Variants in COL24A1 observed in about 807,000 individuals in gnomAD.
COL24A1 encodes the protein collagen alpha-1(XXIV) chain.
In COL24A1, 224 loss-of-function variants were observed where a neutral mutation model predicts 253.9. The observed-to-expected ratio is 0.88, with a 90% CI of 0.79 to 0.99. COL24A1 has a LOEUF of 0.99. Ranked by LOEUF, COL24A1 falls within the 50% of genes least tolerant of loss-of-function variation. The pLI is 0.00. For missense variants in COL24A1, 2,131 were observed against 2,068.5 expected, an observed-to-expected ratio of 1.03 and a Z score of -0.59; for synonymous variants, 685 against 673.7, an observed-to-expected ratio of 1.02 and a Z score of -0.26.
At chr1:85,798,506 C>A (rs1429260596) in intron 47 of COL24A1, among the ~76,000 whole-genome samples, 1 of 152,034 alleles carries the variant, frequency 6.6e-6, no homozygotes, top group Non-Finnish European at 1.5e-5. Flanking sequence ...GTCTCTTTCT[C>A]CAAAATACTG....
chr1:85,995,530 G>A (rs571888784), intron 19 of COL24A1, among the ~76,000 whole-genome samples: 3 of 152,236 alleles, frequency 2.0e-5, no homozygotes, highest in Admixed American at 2.0e-4. Context: ...TGATATTTAG[G>A]TTTGGATAAT....
intron 1 of COL24A1, among the ~76,000 whole-genome samples, chr1:86,152,754 A>G (rs1652941495): frequency 6.6e-6 from 1 of 152,232 alleles, no homozygotes; most frequent in Non-Finnish European, 1.5e-5. Flanking sequence ...ATGTTAAACT[A>G]TTGCCTAGCT....
chr1:85,923,610 CT>C (rs1686805832), intron 24 of COL24A1, among the ~76,000 whole-genome samples: 1 of 152,164 alleles, frequency 6.6e-6, no homozygotes, highest in Admixed American at 6.5e-5. Context: ...TAAAGATGTT[CT>C]TTGAAACCAA....
At chr1:85,889,033 G>A (rs776756185) in intron 32 of COL24A1, among the ~76,000 whole-genome samples, 3 of 152,042 alleles carry the variant, frequency 2.0e-5, no homozygotes, top group East Asian at 1.9e-4. Flanking sequence ...ACAACGTACC[G>A]TCCATGGAAA....
chr1:85,959,862 G>A (rs567477919), intron 24 of COL24A1, among the ~76,000 whole-genome samples: 69 of 152,002 alleles, frequency 4.5e-4, no homozygotes, highest in Non-Finnish European at 9.0e-4. Context: ...TTTTAACTTC[G>A]GATGCCAACT....
Position 86,012,692 on chromosome 1 carries a change from G to A in COL24A1, c.2310+4459C>T, listed in dbSNP as rs370678055. Reference sequence around the variant, plus strand: ...CAGCAGCCAGAGTAACCTTTGAAAAGCATAAATCAGATCAGATCATGCCTC... The same window carrying A: ...CAGCAGCCAGAGTAACCTTTGAAAAACATAAATCAGATCAGATCATGCCTC... On this transcript the variant is annotated intron_variant, in intron 19 of 59. Coordinates refer to ENST00000370571, the MANE Select transcript of COL24A1 (RefSeq NM_152890.7). 2.4e-3 allele frequency among the ~76,000 whole-genome samples: 370 copies of A among 152,198 alleles called. 2 individuals carry two copies. The highest frequency in any genetic ancestry group is 8.6e-3 in the African/African-American group (358 of 41,536).
chr1:85,958,370 T>A (rs1690692956), intron 24 of COL24A1, among the ~76,000 whole-genome samples: 1 of 151,988 alleles, frequency 6.6e-6, no homozygotes, highest in South Asian at 2.1e-4. Flanking sequence ...TCCCTTGTAC[T>A]ATTTTTTATA....
intron 2 of COL24A1, among the ~76,000 whole-genome samples, chr1:86,130,214 T>A (rs1174088784): frequency 6.6e-6 from 1 of 151,928 alleles, no homozygotes; most frequent in Admixed American, 6.6e-5. Context: ...ATTTGTCTGA[T>A]ATACCTTTGC....
chr1:85,807,347 G>A (rs992720355), intron 47 of COL24A1, among the ~76,000 whole-genome samples: 1 of 152,196 alleles, frequency 6.6e-6, no homozygotes, highest in African/African-American at 2.4e-5. Context: ...TTACCACAGA[G>A]TTAAGAAACA....
At chr1:85,896,229 C>T in intron 29 of COL24A1, 127 bp downstream of exon 29, 1 of 1,186,996 alleles carries the variant, frequency 8.4e-7, no homozygotes, top group Non-Finnish European at 1.2e-6. Context: ...TTATGCGTTT[C>T]ATACTTAGAC....
chr1:86,003,053 GTAT>G (rs956666202), intron 19 of COL24A1, among the ~76,000 whole-genome samples: 28 of 152,278 alleles, frequency 1.8e-4, no homozygotes, highest in African/African-American at 6.7e-4. Flanking sequence ...AGTATTGGAG[GTAT>G]TATGGTGGGA....
intron 53 of COL24A1, among the ~76,000 whole-genome samples, chr1:85,767,518 T>C (rs972853958): frequency 6.6e-6 from 1 of 152,214 alleles, no homozygotes; most frequent in Non-Finnish European, 1.5e-5. Context: ...AGATTAACTT[T>C]ATAAAGCTCC....
At chr1:86,132,244 C>A (rs536197085) in intron 2 of COL24A1, among the ~76,000 whole-genome samples, 3 of 152,054 alleles carry the variant, frequency 2.0e-5, no homozygotes, top group African/African-American at 4.8e-5. Context: ...TGTTTGAGTT[C>A]ATTGTAGATT....
chr1:85,800,752 C>T (rs187060222), intron 47 of COL24A1, among the ~76,000 whole-genome samples: 75 of 152,296 alleles, frequency 4.9e-4, no homozygotes, highest in Non-Finnish European at 9.6e-4. Context: ...GTCCCCGCCT[C>T]TGTGTATCAC....
chr1:85,755,734 G>A (rs1203905791), intron 55 of COL24A1, among the ~76,000 whole-genome samples: 1 of 152,022 alleles, frequency 6.6e-6, no homozygotes, highest in African/African-American at 2.4e-5. Context: ...TACATCATGA[G>A]TTATACCATG....
chr1:85,875,188 TTAGCAAATATAGGGGATTCAATGG>T, intron 34 of COL24A1, 65 bp downstream of exon 34: 17 of 1,149,560 alleles, frequency 1.5e-5, no homozygotes, highest in Non-Finnish European at 2.1e-5. Context: ...TGCTTTCAAG[TTAGCAAATATAGGGGATTCAATGG>T]TAGCAAATGT....
chr1:86,134,958 C>T (rs1649974671), intron 2 of COL24A1, among the ~76,000 whole-genome samples: 2 of 151,466 alleles, frequency 1.3e-5, no homozygotes, highest in Admixed American at 1.3e-4. Flanking sequence ...GTGTTAAAGT[C>T]TCCCATTATT....
chr1:86,035,813 G>T lies in COL24A1; in HGVS notation c.1951-1890C>A, dbSNP rs78528007. On this transcript the variant is annotated intron_variant, in intron 12 of 59. Transcript: ENST00000370571. ...AACCTTTGGGAATTCACTCAGGATTGCCTAGAGAATGTGCTGTTCTCCCAA... is the reference window on the plus strand; with the variant it reads ...AACCTTTGGGAATTCACTCAGGATTTCCTAGAGAATGTGCTGTTCTCCCAA... 2.0e-5 allele frequency among the ~76,000 whole-genome samples: 3 copies of T among 152,210 alleles called. No homozygotes were observed. In the East Asian group the frequency reaches 5.8e-4, roughly 29 times the overall value.
chr1:86,117,279 G>C (rs1706240418), intron 3 of COL24A1, among the ~76,000 whole-genome samples: 1 of 152,106 alleles, frequency 6.6e-6, no homozygotes, highest in South Asian at 2.1e-4. Flanking sequence ...GGAGGTGATG[G>C]GTCAGGGATT....
Sources: allele counts gnomAD v4.1 joint callset (sites outside exome capture counted in the v4.1 genomes callset), GRCh38; gene constraint gnomAD v4.1.1; transcripts MANE v1.5; gene names NCBI Gene and HGNC (gene_info 2026-07-23, HGNC 2026-07-21).